The following GRIA4 variants were observed in gnomAD, a reference collection of about 807,000 sequenced individuals.
GRIA4 encodes glutamate ionotropic receptor AMPA type subunit 4.
GRIA4 carries 34 observed loss-of-function variants against 104.0 expected under a neutral mutation model. That is an observed-to-expected ratio of 0.33 (90% CI 0.25 to 0.44). The LOEUF (loss-of-function observed/expected upper bound fraction) is 0.44, where lower values mean the gene tolerates loss of function less well. GRIA4 is among the 20% of genes least tolerant of loss of function. GRIA4 has a pLI of 1.00. For missense variants in GRIA4, 750 were observed against 1,096.5 expected (o/e 0.68, Z 4.46); for synonymous variants, 386 against 381.9 (o/e 1.01, Z -0.13).
Position 105,716,644 on chromosome 11 carries a change from G to A in GRIA4, c.248-36337G>A, listed in dbSNP as rs939659102. Among the ~76,000 whole-genome samples, 11 of 152,028 alleles carry A rather than the reference G, an allele frequency of 7.2e-5. No homozygotes were observed. In the East Asian group the frequency reaches 1.9e-3, roughly 27 times the overall value. The stretch of plus-strand genomic sequence containing the variant: ...GAAAACTCTATACATCATTAACAAC[G>A]TATCAATGCAAGCAATATAATTCCC... On this transcript the variant is annotated intron_variant, in intron 3 of 16. Transcript: ENST00000282499.
chr11:105,974,316 A>G lies in GRIA4; in HGVS notation c.2416A>G (p.Thr806Ala), dbSNP rs1175845620. ...GTGTCTTTATCCCCCCTAGGACAAG[A>G]CGAGTGCCTTGAGCCTGAGCAATGT... ...GPKDSGSKDK[T>A]SALSLSNVAG... Residue 806 changes from threonine (T) to alanine (A), a missense_variant, in exon 16 of 17, where the codon ACG becomes GCG. Physicochemically the swap from Thr to Ala is moderately conservative, Grantham distance 58. This residue lies in a region of GRIA4 where 272 missense variants were observed against 524.5 expected (regional missense o/e 0.52). Coordinates refer to ENST00000282499, the MANE Select transcript of GRIA4 (RefSeq NM_000829.4). 2 of 1,613,682 alleles carry G rather than the reference A, an allele frequency of 1.2e-6. No individual in the cohort carries two copies. The highest frequency in any genetic ancestry group is 3.3e-5 in the Admixed American group (2 of 59,982).
chr11:105,791,818 T>C (rs1942226142), intron 4 of GRIA4, among the ~76,000 whole-genome samples: 1 of 152,170 alleles, frequency 6.6e-6, no homozygotes, highest in Admixed American at 6.6e-5. Context: ...AATTTAATAC[T>C]AAAGTGAATT....
At chr11:105,969,525 A>T (rs1005964206) in intron 14 of GRIA4, among the ~76,000 whole-genome samples, 20 of 152,274 alleles carry the variant, frequency 1.3e-4, no homozygotes, top group African/African-American at 4.3e-4. Flanking sequence ...AGGAGAAAAG[A>T]CTGCTTTAAG....
intron 4 of GRIA4, among the ~76,000 whole-genome samples, chr11:105,764,087 C>A (rs894601716): frequency 6.6e-6 from 1 of 152,098 alleles, no homozygotes; most frequent in African/African-American, 2.4e-5. Flanking sequence ...GTCACTGATG[C>A]ATTCCAAGAG....
At chr11:105,903,768 G>C in intron 7 of GRIA4, 46 bp from the exon 8 acceptor site, 1 of 1,362,596 alleles carries the variant, frequency 7.3e-7, no homozygotes, top group East Asian at 2.3e-5. Flanking sequence ...TCTGGCACTC[G>C]ATAAGATTTT....
intron 3 of GRIA4, among the ~76,000 whole-genome samples, chr11:105,621,461 G>A (rs555058716): frequency 6.6e-6 from 1 of 150,940 alleles, no homozygotes; most frequent in Admixed American, 6.6e-5. Context: ...AGAAATAAAA[G>A]TATTTAATAA....
chr11:105,647,162 G>A (rs1368518195), intron 3 of GRIA4, among the ~76,000 whole-genome samples: 1 of 152,110 alleles, frequency 6.6e-6, no homozygotes, highest in East Asian at 1.9e-4. Context: ...TTCAAAAGAA[G>A]ACATCCATGC....
At chr11:105,824,133 A>G (rs955572005) in intron 4 of GRIA4, among the ~76,000 whole-genome samples, 1 of 152,094 alleles carries the variant, frequency 6.6e-6, no homozygotes, top group South Asian at 2.1e-4. Flanking sequence ...CTGCTGTTTA[A>G]GTCATCCAGG....
At chr11:105,818,926 G>GTAA (rs1943480317) in intron 4 of GRIA4, among the ~76,000 whole-genome samples, 1 of 152,132 alleles carries the variant, frequency 6.6e-6, no homozygotes, top group Non-Finnish European at 1.5e-5. Context: ...TTATGCATGT[G>GTAA]TAACAAAGTC....
chr11:105,926,647 A>AT (rs1400186771), intron 12 of GRIA4, 94 bp from the exon 13 acceptor site: 2 of 783,598 alleles, frequency 2.6e-6, no homozygotes, highest in Admixed American at 2.1e-5. Flanking sequence ...GGCAATTGTT[A>AT]TTTTTAAATA....
rs981542574 is a variant in GRIA4 at position 105,898,186 on chromosome 11, T to C, written c.727-83T>C. ...TTTATTAAAAATCTTTTAATATGTA[T>C]AGGTTATTAATTTATGTTACTATTG... On this transcript the variant is annotated intron_variant, in intron 6 of 16. Transcript: ENST00000282499. 1.2e-5 allele frequency: 8 copies of C among 655,252 alleles called. No individual in the cohort carries two copies. The African/African-American group carries it at 1.3e-4, about 11-fold the overall frequency. The allele number at this position is 655,252 out of a possible 1,614,324, so 40.6% of individuals were successfully genotyped here.
Position 105,903,991 on chromosome 11 carries a change from A to T in GRIA4, c.1053+10A>T, listed in dbSNP as rs745979883. On this transcript the variant is annotated intron_variant, in intron 8 of 16. Coordinates refer to ENST00000282499, the MANE Select transcript of GRIA4 (RefSeq NM_000829.4). ...GAGGACACTCAAACAGGTAACTCAC[A>T]ATTTTATTTAAGTTCAATTCATTTC... 2 of 1,559,410 alleles carry T rather than the reference A, an allele frequency of 1.3e-6. No homozygotes were observed. Among genetic ancestry groups the T allele is most frequent in the Non-Finnish European group, 1.7e-6 (2 of 1,144,988 alleles).
intron 3 of GRIA4, among the ~76,000 whole-genome samples, chr11:105,726,836 CA>C (rs1417338287): frequency 6.6e-6 from 1 of 151,908 alleles, no homozygotes; most frequent in Non-Finnish European, 1.5e-5. Flanking sequence ...GCAATAGTAT[CA>C]ACATTAAAAA....
rs114571507 is a variant in GRIA4 at position 105,718,631 on chromosome 11, C to T, written c.248-34350C>T. On this transcript the variant is annotated intron_variant, in intron 3 of 16. Transcript: ENST00000282499. ...TAATTTCAGTCCACTGTAGGTGGAA[C>T]AATTACCTAACACATGCATTGGGTT... Among the ~76,000 whole-genome samples, 480 of 152,280 alleles carry T rather than the reference C, an allele frequency of 3.2e-3. 4 individuals carry two copies. The highest frequency in any genetic ancestry group is 0.011 in the African/African-American group (457 of 41,570).
intron 3 of GRIA4, among the ~76,000 whole-genome samples, chr11:105,685,816 C>T (rs1952861457): frequency 2.0e-4 from 1 of 4,896 alleles, no homozygotes; most frequent in African/African-American, 2.5e-4. Context: ...ACAGAGGCAT[C>T]AATCAAAAAA....
chr11:105,727,403 T>C (rs1050874840), intron 3 of GRIA4, among the ~76,000 whole-genome samples: 2 of 151,994 alleles, frequency 1.3e-5, no homozygotes, highest in African/African-American at 2.4e-5. Flanking sequence ...CTATGTCTGA[T>C]TGGTGTACCT....
intron 4 of GRIA4, among the ~76,000 whole-genome samples, chr11:105,825,058 G>T (rs1374892166): frequency 1.3e-5 from 2 of 152,028 alleles, no homozygotes; most frequent in Non-Finnish European, 2.9e-5. Context: ...CCTATTTATG[G>T]TCTCAAAGAT....
At chr11:105,862,668 A>G (rs1945270815) in intron 5 of GRIA4, 1 of 105,118 alleles carries the variant, frequency 9.5e-6, no homozygotes, top group Non-Finnish European at 2.2e-5. Context: ...AATACTGTAT[A>G]TAATTTAGTG....
chr11:105,762,582 G>A (rs1940715169), intron 4 of GRIA4, among the ~76,000 whole-genome samples: 1 of 152,050 alleles, frequency 6.6e-6, no homozygotes. Flanking sequence ...TTGGCTCTGT[G>A]TCCCCACCCA....
Sources: gnomAD v4.1 joint callset for allele counts (sites outside exome capture counted in the v4.1 genomes callset) on GRCh38, gnomAD v4.1.1 for gene constraint, gnomAD v4.1.1 regional missense constraint, MANE v1.5 for transcripts, NCBI Gene and HGNC (gene_info 2026-07-23, HGNC 2026-07-21) for gene names.